CAGE1: variants seen among roughly 807,000 people sequenced by gnomAD.
CAGE1 encodes cancer antigen 1.
CAGE1 carries 66 observed loss-of-function variants against 94.9 expected under a neutral mutation model. The observed-to-expected ratio is 0.70, with a 90% CI of 0.57 to 0.85. CAGE1 has a LOEUF of 0.85. Among genes scored for constraint, CAGE1 ranks in the 40% least tolerant of loss-of-function variants. The pLI is 0.00. For synonymous variants in CAGE1, 319 were observed against 321.0 expected, an observed-to-expected ratio of 0.99 and a Z score of 0.07; for missense variants, 865 against 950.4, an observed-to-expected ratio of 0.91 and a Z score of 1.18.
At chr6:7,355,891 T>C (rs1759937141) in intron 10 of CAGE1, 134 bp downstream of exon 10, 1 of 575,780 alleles carries the variant, frequency 1.7e-6, no homozygotes, top group Non-Finnish European at 3.1e-6. Flanking sequence ...TAATCCCAGC[T>C]ACTCATGAGA....
chr6:7,343,198 A>AAAAAAAG (rs574460085), intron 11 of CAGE1, among the ~76,000 whole-genome samples: 1 of 137,320 alleles, frequency 7.3e-6, no homozygotes, highest in African/African-American at 2.8e-5. Context: ...CACAAAAAAA[A>AAAAAAAG]AAAAGAAAAG....
At chr6:7,328,049 G>C (rs1004280367) in intron 13 of CAGE1, among the ~76,000 whole-genome samples, 1 of 152,154 alleles carries the variant, frequency 6.6e-6, no homozygotes, top group African/African-American at 2.4e-5. Flanking sequence ...GCCCTATTGA[G>C]TGTCCCCTCA....
intron 9 of CAGE1, among the ~76,000 whole-genome samples, chr6:7,365,204 A>C (rs143621427): frequency 1.6e-3 from 238 of 152,352 alleles, no homozygotes; most frequent in Middle Eastern, 6.8e-3. Flanking sequence ...CTGTGAAAAA[A>C]CAGCACTTTT....
chr6:7,345,387 C>G (rs992201204), intron 11 of CAGE1, among the ~76,000 whole-genome samples: 2 of 152,124 alleles, frequency 1.3e-5, no homozygotes, highest in Non-Finnish European at 2.9e-5. Flanking sequence ...GAACAAACGC[C>G]AGATGTGCCA....
At chr6:7,341,064 G>A (rs969651805) in intron 11 of CAGE1, 2 of 509,512 alleles carry the variant, frequency 3.9e-6, no homozygotes, top group Non-Finnish European at 7.8e-6. Context: ...AGATATAGAG[G>A]CCAGAGCTGC....
intron 9 of CAGE1, among the ~76,000 whole-genome samples, chr6:7,364,787 A>T (rs1250658305): frequency 6.6e-6 from 1 of 152,124 alleles, no homozygotes; most frequent in Non-Finnish European, 1.5e-5. Flanking sequence ...TTCTTATGAA[A>T]AAAAAATTAC....
chr6:7,380,642 A>T (rs1453292503), intron 3 of CAGE1, among the ~76,000 whole-genome samples: 1 of 152,126 alleles, frequency 6.6e-6, no homozygotes, highest in Admixed American at 6.6e-5. Context: ...ATCTCAAAAA[A>T]AAAAAAAAGT....
At chr6:7,343,909 G>A (rs2113373020) in intron 11 of CAGE1, among the ~76,000 whole-genome samples, 1 of 152,330 alleles carries the variant, frequency 6.6e-6, no homozygotes, top group South Asian at 2.1e-4. Flanking sequence ...TTGTAGGCAG[G>A]TGCTCCTTCC....
chr6:7,379,962 T>C (rs1036665727), intron 3 of CAGE1, among the ~76,000 whole-genome samples: 3 of 152,220 alleles, frequency 2.0e-5, no homozygotes, highest in Admixed American at 6.5e-5. Flanking sequence ...AAGAAAAATA[T>C]AATATTTTAT....
chr6:7,376,048 T>C (rs1760731600), intron 4 of CAGE1, among the ~76,000 whole-genome samples: 1 of 152,166 alleles, frequency 6.6e-6, no homozygotes, highest in Non-Finnish European at 1.5e-5. Context: ...TGACTAAATG[T>C]TGTTATCACA....
intron 3 of CAGE1, among the ~76,000 whole-genome samples, chr6:7,381,943 C>A (rs993564213): frequency 6.6e-6 from 1 of 150,768 alleles, no homozygotes; most frequent in East Asian, 2.0e-4. Flanking sequence ...GGGTTCACGC[C>A]ATTCTCCTTT....
At chr6:7,375,963 C>T (rs574480882) in intron 4 of CAGE1, among the ~76,000 whole-genome samples, 9 of 152,288 alleles carry the variant, frequency 5.9e-5, no homozygotes, top group East Asian at 1.9e-4. Flanking sequence ...CTAAAGTTAA[C>T]GTGCCGGAAG....
chr6:7,372,468 C>CA (rs71542850), intron 5 of CAGE1, among the ~76,000 whole-genome samples: 1,615 of 114,566 alleles, frequency 0.014, 51 homozygotes, highest in African/African-American at 0.041. Context: ...AATACTGTCT[C>CA]AAAAAAAAAA....
intron 11 of CAGE1, among the ~76,000 whole-genome samples, chr6:7,351,479 G>A (rs2113399075): frequency 7.0e-6 from 1 of 142,342 alleles, no homozygotes; most frequent in East Asian, 2.0e-4. Context: ...ACCAAAACCA[G>A]GAAAGAACAC....
At chr6:7,371,745 C>T (rs1348566941) in intron 5 of CAGE1, among the ~76,000 whole-genome samples, 1 of 152,100 alleles carries the variant, frequency 6.6e-6, no homozygotes, top group African/African-American at 2.4e-5. Context: ...GGAGATCACA[C>T]CACTGCACTC....
chr6:7,386,400 T>A (rs540008636), intron 2 of CAGE1, among the ~76,000 whole-genome samples: 1 of 152,346 alleles, frequency 6.6e-6, no homozygotes, highest in African/African-American at 2.4e-5. Context: ...GGCATTTTCA[T>A]GAAGACAGGA....
chr6:7,329,423 C>T (rs1437660763), intron 13 of CAGE1, among the ~76,000 whole-genome samples: 1 of 152,124 alleles, frequency 6.6e-6, no homozygotes, highest in Admixed American at 6.5e-5. Context: ...CGCCAAGGAG[C>T]TCAGATTTGA....
intron 3 of CAGE1, among the ~76,000 whole-genome samples, chr6:7,380,391 C>G (rs1036430185): frequency 1.3e-5 from 2 of 152,156 alleles, no homozygotes; most frequent in East Asian, 3.8e-4. Context: ...AATCCTAGCA[C>G]TTTGGGAGGC....
At chr6:7,387,279 G>T in intron 1 of CAGE1, 83 bp from the exon 2 acceptor site, 1 of 692,448 alleles carries the variant, frequency 1.4e-6, no homozygotes, top group Non-Finnish European at 2.4e-6. Flanking sequence ...AAGTAGCAAA[G>T]TTCACTGCCC....
Sources: allele counts gnomAD v4.1 joint callset (sites outside exome capture counted in the v4.1 genomes callset), GRCh38; gene constraint gnomAD v4.1.1; transcripts MANE v1.5; gene names NCBI Gene and HGNC (gene_info 2026-07-23, HGNC 2026-07-21).